The following RBFOX3 variants were observed in gnomAD, a reference collection of about 807,000 sequenced individuals.
RBFOX3 encodes RNA binding fox-1 homolog 3.
Under a neutral mutation model 48.7 loss-of-function variants are expected in RBFOX3, and 17 were observed. The observed-to-expected ratio is 0.35, with a 90% CI of 0.24 to 0.52. The LOEUF (loss-of-function observed/expected upper bound fraction) is 0.52, where lower values mean the gene tolerates loss of function less well. Ranked by LOEUF, RBFOX3 falls within the 20% of genes least tolerant of loss-of-function variation. RBFOX3 has a pLI of 0.94. For synonymous variants in RBFOX3, 212 were observed against 209.5 expected (o/e 1.01, Z -0.10); for missense variants, 382 against 497.5 (o/e 0.77, Z 2.21).
At chr17:79,530,216 T>G (rs2087511241) in intron 1 of RBFOX3, among the ~76,000 whole-genome samples, 2 of 151,770 alleles carry the variant, frequency 1.3e-5, no homozygotes, top group Non-Finnish European at 2.9e-5. Flanking sequence ...ACGGAGAGAG[T>G]GGACTTTGCG....
intron 2 of RBFOX3, among the ~76,000 whole-genome samples, chr17:79,417,377 C>A (rs892653359): frequency 2.6e-5 from 4 of 152,148 alleles, no homozygotes; most frequent in African/African-American, 9.7e-5. Flanking sequence ...AGAGGACACC[C>A]CTGGCCCTGT....
At chr17:79,526,536 C>G (rs951353820) in intron 1 of RBFOX3, among the ~76,000 whole-genome samples, 1 of 152,202 alleles carries the variant, frequency 6.6e-6, no homozygotes, top group Admixed American at 6.5e-5. Context: ...ACTCTTGGAC[C>G]AGGTCATGAG....
intron 1 of RBFOX3, among the ~76,000 whole-genome samples, chr17:79,580,508 G>A (rs1475344796): frequency 6.6e-6 from 1 of 152,102 alleles, no homozygotes; most frequent in Non-Finnish European, 1.5e-5. Context: ...CGACTGTTCA[G>A]CGGTGCTCAG....
chr17:79,117,243 G>C (rs2034300110), intron 4 of RBFOX3, among the ~76,000 whole-genome samples: 2 of 152,240 alleles, frequency 1.3e-5, no homozygotes, highest in Admixed American at 6.5e-5. Flanking sequence ...GAGCAGCCCA[G>C]TGTGTTAGGA....
chr17:79,385,611 T>C (rs985175500), intron 2 of RBFOX3, among the ~76,000 whole-genome samples: 3 of 152,162 alleles, frequency 2.0e-5, no homozygotes, highest in African/African-American at 7.2e-5. Flanking sequence ...ATACCACGTG[T>C]GCTGCTCCCT....
chr17:79,090,472 C>T lies in RBFOX3; in HGVS notation c.*411G>A, dbSNP rs2073674811. 1.1e-5 allele frequency: 2 copies of T among 190,344 alleles called. No individual in the cohort carries two copies. Among genetic ancestry groups the T allele is most frequent in the Non-Finnish European group, 2.1e-5 (2 of 93,158 alleles). 11.8% of individuals were successfully genotyped at this position (190,344 alleles called of 1,614,324 possible). On this transcript the variant is annotated 3_prime_UTR_variant, in exon 15 of 15. Transcript: ENST00000693108. ...CAGCGCCTGCCTGCTCAGGCCCGGGCCTGCTCCGCCGCCGCTGGGCTCCAC... is the reference window on the plus strand; with the variant it reads ...CAGCGCCTGCCTGCTCAGGCCCGGGTCTGCTCCGCCGCCGCTGGGCTCCAC...
chr17:79,487,364 G>A (rs988214079), intron 1 of RBFOX3, among the ~76,000 whole-genome samples: 18 of 152,230 alleles, frequency 1.2e-4, no homozygotes, highest in East Asian at 1.9e-4. Context: ...GGTCAGAAGC[G>A]TGGACTTGTG....
chr17:79,620,105 ATG>A, the RBFOX3 span, among the ~76,000 whole-genome samples: 2 of 135,164 alleles, frequency 1.5e-5, no homozygotes, highest in African/African-American at 7.4e-5. Flanking sequence ...ACATGTGTGC[ATG>A]CACGCATATG....
At chr17:79,102,004 C>G (rs1189111901) in intron 8 of RBFOX3, among the ~76,000 whole-genome samples, 1 of 152,174 alleles carries the variant, frequency 6.6e-6, no homozygotes, top group African/African-American at 2.4e-5. Flanking sequence ...CTCCAGGATG[C>G]CCCCTCCTCC....
intron 2 of RBFOX3, among the ~76,000 whole-genome samples, chr17:79,344,100 C>T (rs2082506455): frequency 6.6e-6 from 1 of 152,136 alleles, no homozygotes; most frequent in African/African-American, 2.4e-5. Flanking sequence ...TACATGCACC[C>T]CTGTCAGAGG....
intron 2 of RBFOX3, among the ~76,000 whole-genome samples, chr17:79,433,734 G>A (rs964768208): frequency 5.3e-5 from 8 of 151,970 alleles, no homozygotes; most frequent in Admixed American, 5.2e-4. Flanking sequence ...CGAGCAAGGT[G>A]CGGTTGCTTC....
rs116681263 is a variant in RBFOX3, at chr17:79,174,630, G to A, written c.-33-58882C>T. On this transcript the variant is annotated intron_variant, in intron 4 of 14. Coordinates refer to ENST00000693108, the MANE Select transcript of RBFOX3 (RefSeq NM_001350451.2). ...ACTGACACACATCCACAATGCAGTC[G>A]CTTACATGCACTGACACACACCCAA... Among the ~76,000 whole-genome samples, 551 of 150,038 alleles carry A rather than the reference G, an allele frequency of 3.7e-3. 4 individuals carry two copies. Among genetic ancestry groups the A allele is most frequent in the African/African-American group, 9.7e-3 (395 of 40,662 alleles).
intron 1 of RBFOX3, among the ~76,000 whole-genome samples, chr17:79,529,908 C>T (rs1451560672): frequency 2.6e-5 from 4 of 152,246 alleles, no homozygotes; most frequent in Admixed American, 2.6e-4. Context: ...CGCTCCTTCA[C>T]GTTCATCCAT....
chr17:79,388,493 C>A (rs535933845), intron 2 of RBFOX3, among the ~76,000 whole-genome samples: 1 of 152,206 alleles, frequency 6.6e-6, no homozygotes, highest in East Asian at 1.9e-4. Context: ...CACCTGCATG[C>A]GCCTTACTTA....
At chr17:79,218,536 G>T (rs773444996) in intron 4 of RBFOX3, among the ~76,000 whole-genome samples, 1 of 152,164 alleles carries the variant, frequency 6.6e-6, no homozygotes, top group Admixed American at 6.5e-5. Flanking sequence ...GCTGGGGAGA[G>T]GGGGAGTTCT....
chr17:79,554,556 G>A (rs1186908417), intron 1 of RBFOX3, among the ~76,000 whole-genome samples: 3 of 152,004 alleles, frequency 2.0e-5, no homozygotes, highest in Non-Finnish European at 2.9e-5. Context: ...CTGTGAGCCT[G>A]ACTTCATTGT....
intron 2 of RBFOX3, among the ~76,000 whole-genome samples, chr17:79,313,231 T>C (rs1017107735): frequency 6.6e-6 from 1 of 152,138 alleles, no homozygotes; most frequent in Non-Finnish European, 1.5e-5. Context: ...GTGGGAATTA[T>C]CAAAGGGGTA....
At chr17:79,525,500 G>A (rs1249648597) in intron 1 of RBFOX3, among the ~76,000 whole-genome samples, 4 of 152,174 alleles carry the variant, frequency 2.6e-5, no homozygotes, top group South Asian at 2.1e-4. Context: ...CAGTCTTCCC[G>A]GAGGGGCCAG....
chr17:79,246,698 C>T (rs911854029), intron 3 of RBFOX3, among the ~76,000 whole-genome samples: 8 of 152,162 alleles, frequency 5.3e-5, no homozygotes, highest in South Asian at 2.1e-4. Context: ...AAGACCCATC[C>T]GACATCCCTT....
Sources: gnomAD v4.1 joint callset for allele counts (sites outside exome capture counted in the v4.1 genomes callset) on GRCh38, gnomAD v4.1.1 for gene constraint, MANE v1.5 for transcripts, NCBI Gene and HGNC (gene_info 2026-07-23, HGNC 2026-07-21) for gene names.